BAZ2A: variants seen among roughly 807,000 people sequenced by gnomAD.
The protein encoded by BAZ2A is bromodomain adjacent to zinc finger domain 2A.
A neutral mutation model predicts 199.9 loss-of-function variants in BAZ2A; 34 were observed. The observed-to-expected ratio is 0.17, with a 90% CI of 0.13 to 0.23. The LOEUF is 0.23. BAZ2A is among the 10% of genes least tolerant of loss of function. The probability of loss-of-function intolerance (pLI) is 1.00; values close to 1 mark genes in which losing one functional copy is unlikely to be tolerated. For synonymous variants in BAZ2A, 857 were observed against 883.9 expected, an observed-to-expected ratio of 0.97 and a Z score of 0.54; for missense variants, 2,002 against 2,391.1, an observed-to-expected ratio of 0.84 and a Z score of 3.39.
intron 1 of BAZ2A, among the ~76,000 whole-genome samples, chr12:56,626,684 T>C (rs576020707): frequency 6.6e-6 from 1 of 152,348 alleles, no homozygotes; most frequent in Non-Finnish European, 1.5e-5. Context: ...AATTCAATCA[T>C]GTATCAAATG....
chr12:56,602,339 T>G, intron 19 of BAZ2A, 147 bp from the exon 20 acceptor site: 1 of 726,342 alleles, frequency 1.4e-6, no homozygotes, highest in Non-Finnish European at 2.2e-6. Context: ...TATATGCCAA[T>G]GAACACAGTA....
upstream of BAZ2A, among the ~76,000 whole-genome samples, chr12:56,630,541 G>C (rs879554671): frequency 3.9e-5 from 6 of 152,236 alleles, no homozygotes; most frequent in Non-Finnish European, 8.8e-5. Flanking sequence ...TTCACACAGG[G>C]CAAACTGAAA....
intron 26 of BAZ2A, 137 bp from the exon 27 acceptor site, chr12:56,599,495 A>AT: frequency 8.1e-7 from 1 of 1,233,872 alleles, no homozygotes; most frequent in Non-Finnish European, 1.1e-6. Flanking sequence ...CACATAACCC[A>AT]ATGAAGTAGG....
rs1393128051 is a variant in BAZ2A at position 56,598,322 on chromosome 12, C to T, written c.*296G>A. 3.2e-6 allele frequency: 1 copy of T among 314,790 alleles called. No individual in the cohort carries two copies. The highest frequency in any genetic ancestry group is 7.3e-5 in the East Asian group (1 of 13,730). The allele number at this position is 314,790 out of a possible 1,614,324, so 19.5% of individuals were successfully genotyped here. A position where few individuals can be genotyped will look rare whatever the true frequency, so the allele number is the denominator to read the frequency against. On this transcript the variant is annotated 3_prime_UTR_variant, in exon 29 of 29. Transcript: ENST00000549884. ...GGAAGTAGGGACGACTTTCCCCCTC[C>T]CCATTTTTAATTAGCAAATAAAACA...
Position 56,612,037 on chromosome 12 carries a change from G to C in BAZ2A, c.1345C>G (p.Pro449Ala), listed in dbSNP as rs768315263. The C allele has an allele frequency of 6.2e-7, 1 of 1,613,736 alleles. No individual in the cohort carries two copies. Among genetic ancestry groups the C allele is most frequent in the Non-Finnish European group, 8.5e-7 (1 of 1,179,798 alleles). Residue 449 changes from proline to alanine, a missense_variant, in exon 6 of 29, where the codon CCA becomes GCA. Physicochemically the swap from Pro to Ala is conservative, Grantham distance 27. Around this residue, in one of 6 missense-constraint regions of BAZ2A, gnomAD observed 641 missense variants for 694.5 expected, o/e 0.92. Coordinates refer to ENST00000549884, the MANE Select transcript of BAZ2A (RefSeq NM_001300905.2). ...VSPAASPEIS[P>A]EVCPAASTVV... The stretch of plus-strand genomic sequence containing the variant: ...GTAGAAGCTGCGGGACAAACTTCTG[G>C]AGAGATTTCTGGGGAGGCTGCTGGA...
chr12:56,612,343 GGTTA>G, intron 5 of BAZ2A, 97 bp from the exon 6 acceptor site: 2 of 1,096,958 alleles, frequency 1.8e-6, no homozygotes, highest in Non-Finnish European at 2.6e-6. Flanking sequence ...AGCTAAACAG[GGTTA>G]CTTCAAGGGG....
intron 1 of BAZ2A, chr12:56,621,212 A>C: frequency 2.0e-6 from 2 of 985,346 alleles, no homozygotes; most frequent in Non-Finnish European, 2.4e-6. Flanking sequence ...TCCATTCTCT[A>C]TTTGAATCCA....
At chr12:56,634,264 A>G (rs1487807148), upstream of BAZ2A, among the ~76,000 whole-genome samples, 1 of 151,838 alleles carries the variant, frequency 6.6e-6, no homozygotes, top group African/African-American at 2.4e-5. Context: ...CTCTCTCCCA[A>G]CTGTCCCTGA....
chr12:56,628,372 GA>G (rs369054851), intron 1 of BAZ2A, among the ~76,000 whole-genome samples: 1,680 of 147,966 alleles, frequency 0.011, 35 homozygotes, highest in African/African-American at 0.038. Flanking sequence ...TGAAAAGAAA[GA>G]AAAAAAAAAT....
chr12:56,634,032 C>G (rs547212463), upstream of BAZ2A, among the ~76,000 whole-genome samples: 3 of 152,182 alleles, frequency 2.0e-5, no homozygotes, highest in Non-Finnish European at 4.4e-5. Context: ...CCACCCGGCC[C>G]CCTTCTCCCC....
At chr12:56,611,218 A>C (rs1225264340) in intron 7 of BAZ2A, 1 of 324,834 alleles carries the variant, frequency 3.1e-6, no homozygotes, top group Admixed American at 4.8e-5. Context: ...TCAATTCATT[A>C]GTACTAAGTC....
At chr12:56,636,401 A>C, upstream of BAZ2A, 26 of 802,846 alleles carry the variant, frequency 3.2e-5, no homozygotes, top group Non-Finnish European at 4.4e-5. Flanking sequence ...GGAGGAGGGA[A>C]GGGCGGGGCT....
intron 9 of BAZ2A, 36 bp from the exon 10 acceptor site, chr12:56,609,982 A>T: frequency 6.2e-7 from 1 of 1,609,278 alleles, no homozygotes; most frequent in Non-Finnish European, 8.5e-7. Flanking sequence ...AGTAGTAAGG[A>T]ATCAGTGCAG....
intron 1 of BAZ2A, 144 bp downstream of exon 1, chr12:56,629,981 G>T: frequency 5.2e-6 from 3 of 573,342 alleles, no homozygotes; most frequent in Non-Finnish European, 6.6e-6. Flanking sequence ...GCCTCGGGTT[G>T]GATCCTCGCA....
At chr12:56,608,767 T>C (rs1430879918) in intron 10 of BAZ2A, among the ~76,000 whole-genome samples, 1 of 151,298 alleles carries the variant, frequency 6.6e-6, no homozygotes, top group Non-Finnish European at 1.5e-5. Flanking sequence ...CAGGGTTTCT[T>C]CATGTTGGTC....
At chr12:56,625,638 G>A (rs1255586910) in intron 1 of BAZ2A, among the ~76,000 whole-genome samples, 1 of 151,930 alleles carries the variant, frequency 6.6e-6, no homozygotes, top group East Asian at 1.9e-4. Flanking sequence ...AGCACTTTGG[G>A]AGGCCGAGAC....
At position 56,615,964 on chromosome 12, in the gene BAZ2A, T is replaced by G. The variant is rs1227938114; in HGVS notation, c.137-357A>C. On this transcript the variant is annotated intron_variant, in intron 2 of 28. Coordinates refer to ENST00000549884, the MANE Select transcript of BAZ2A (RefSeq NM_001300905.2). The stretch of plus-strand genomic sequence containing the variant: ...ATGTCACCAGGCTGGAGTGCAGTGG[T>G]GCAATCTCGACCCACGGCAACCTCT... 3.9e-5 allele frequency among the ~76,000 whole-genome samples: 6 copies of G among 152,240 alleles called. No individual in the cohort carries two copies. The East Asian group carries it at 1.2e-3, about 29-fold the overall frequency.
At chr12:56,605,712 C>T (rs1453783871) in intron 13 of BAZ2A, 118 bp downstream of exon 13, 1 of 1,152,740 alleles carries the variant, frequency 8.7e-7, no homozygotes, top group Non-Finnish European at 1.2e-6. Context: ...TGAGCCATGG[C>T]ACCCGGCCTT....
chr12:56,613,534 T>C (rs1193087286), intron 4 of BAZ2A, among the ~76,000 whole-genome samples: 1 of 152,178 alleles, frequency 6.6e-6, no homozygotes, highest in Non-Finnish European at 1.5e-5. Context: ...AGGAAAGGCA[T>C]TGGTGGTATT....
Sources: gnomAD v4.1 joint callset for allele counts (sites outside exome capture counted in the v4.1 genomes callset) on GRCh38, gnomAD v4.1.1 for gene constraint, gnomAD v4.1.1 regional missense constraint, MANE v1.5 for transcripts, NCBI Gene and HGNC (gene_info 2026-07-23, HGNC 2026-07-21) for gene names.